Variants in RBFOX1 observed in about 807,000 individuals in gnomAD.
RBFOX1 encodes the protein RNA binding protein fox-1 homolog 1.
Under a neutral mutation model 57.7 loss-of-function variants are expected in RBFOX1, and 8 were observed. That is an observed-to-expected ratio of 0.14 (90% CI 0.08 to 0.25). The LOEUF is 0.25. Ranked by LOEUF, RBFOX1 falls within the 10% of genes least tolerant of loss-of-function variation. The pLI, the probability that RBFOX1 is intolerant of heterozygous loss-of-function variation, is 1.00. For missense variants in RBFOX1, 611 were observed against 548.5 expected (o/e 1.11, Z -1.14); for synonymous variants, 326 against 222.4 (o/e 1.47, Z -4.15).
Position 7,194,906 on chromosome 16 carries a change from C to T in RBFOX1, c.27+142808C>T, listed in dbSNP as rs79037256. ...TTGTGCCACTGCACTCCAGCTTGGGCTACAAAATGAGACCCTGTTTCACAA... is the reference window on the plus strand; with the variant it reads ...TTGTGCCACTGCACTCCAGCTTGGGTTACAAAATGAGACCCTGTTTCACAA... On this transcript the variant is annotated intron_variant, in intron 4 of 15. Coordinates refer to ENST00000550418, the MANE Select transcript of RBFOX1 (RefSeq NM_018723.4). 6.0e-5 allele frequency among the ~76,000 whole-genome samples: 8 copies of T among 132,750 alleles called. No homozygotes were observed. The East Asian group carries it at 1.7e-3, about 28-fold the overall frequency. The allele number at this position is 132,750 out of a possible 152,430, so 87.1% of individuals were successfully genotyped here.
intron 4 of RBFOX1, among the ~76,000 whole-genome samples, chr16:5,993,384 T>TACA: frequency 1.4e-5 from 1 of 71,290 alleles, no homozygotes; most frequent in Middle Eastern, 8.9e-3. Context: ...TGTGTGTGTG[T>TACA]GAGAGAGAGA....
intron 3 of RBFOX1, among the ~76,000 whole-genome samples, chr16:7,001,838 C>G (rs745958616): frequency 2.0e-5 from 3 of 152,118 alleles, no homozygotes; most frequent in Non-Finnish European, 4.4e-5. Flanking sequence ...ATTATTATTA[C>G]TTTAACTCTG....
At chr16:7,565,421 G>A (rs984557892) in intron 5 of RBFOX1, among the ~76,000 whole-genome samples, 1 of 152,134 alleles carries the variant, frequency 6.6e-6, no homozygotes, top group East Asian at 1.9e-4. Context: ...GCAGAGCTCT[G>A]CGATATTATT....
intron 4 of RBFOX1, among the ~76,000 whole-genome samples, chr16:5,970,799 A>G (rs1472697146): frequency 6.6e-6 from 1 of 152,236 alleles, no homozygotes; most frequent in East Asian, 1.9e-4. Context: ...TTTTCATTGC[A>G]CAGCAAAATA....
chr16:6,143,880 C>G (rs1028983636), intron 1 of RBFOX1, among the ~76,000 whole-genome samples: 3 of 151,896 alleles, frequency 2.0e-5, no homozygotes, highest in East Asian at 1.9e-4. Context: ...ACTGCAGCCT[C>G]AAACTCCTGG....
At chr16:6,848,338 C>T (rs916087561) in intron 3 of RBFOX1, among the ~76,000 whole-genome samples, 2 of 152,086 alleles carry the variant, frequency 1.3e-5, no homozygotes, top group Non-Finnish European at 2.9e-5. Context: ...AGTTTGGCAT[C>T]TGCATTTTTT....
chr16:5,425,768 C>T (rs1174238502), intron 1 of RBFOX1, among the ~76,000 whole-genome samples: 5 of 152,164 alleles, frequency 3.3e-5, no homozygotes, highest in Admixed American at 2.0e-4. Context: ...CAGGTTCCCA[C>T]CTCTTCCAGA....
intron 5 of RBFOX1, among the ~76,000 whole-genome samples, chr16:7,576,299 G>A (rs1029292895): frequency 2.0e-5 from 3 of 152,074 alleles, no homozygotes; most frequent in Non-Finnish European, 4.4e-5. Context: ...CCTAAGATTA[G>A]CAAATAACAG....
chr16:6,469,408 A>T (rs1465574909), intron 2 of RBFOX1, among the ~76,000 whole-genome samples: 6 of 152,122 alleles, frequency 3.9e-5, no homozygotes. Flanking sequence ...CACATAGACA[A>T]GTTTTCTCCA....
intron 3 of RBFOX1, among the ~76,000 whole-genome samples, chr16:6,761,886 C>G (rs964928629): frequency 6.6e-6 from 1 of 152,114 alleles, no homozygotes; most frequent in Non-Finnish European, 1.5e-5. Flanking sequence ...CAGGTACCTT[C>G]TTCCTCACTC....
intron 2 of RBFOX1, among the ~76,000 whole-genome samples, chr16:6,397,664 A>T (rs2092898138): frequency 6.6e-6 from 1 of 152,238 alleles, no homozygotes; most frequent in African/African-American, 2.4e-5. Context: ...CTTTGAAAAT[A>T]TATGTAACTG....
At chr16:5,701,875 A>C (rs1281062604) in intron 3 of RBFOX1, among the ~76,000 whole-genome samples, 2 of 152,204 alleles carry the variant, frequency 1.3e-5, no homozygotes, top group Non-Finnish European at 2.9e-5. Context: ...GAATGGTCTT[A>C]ACTTCGTAAT....
chr16:6,674,508 G>T (rs775967912), intron 3 of RBFOX1, among the ~76,000 whole-genome samples: 1 of 152,044 alleles, frequency 6.6e-6, no homozygotes, highest in Non-Finnish European at 1.5e-5. Flanking sequence ...TTTTAGTAGA[G>T]ACGGGGTTTC....
chr16:7,114,653 T>G (rs1033802180), intron 4 of RBFOX1, among the ~76,000 whole-genome samples: 4 of 152,186 alleles, frequency 2.6e-5, no homozygotes, highest in African/African-American at 9.6e-5. Context: ...GGCTGAGAAG[T>G]GCCTCATGCC....
At chr16:7,344,456 A>C (rs1324422192) in intron 4 of RBFOX1, among the ~76,000 whole-genome samples, 1 of 150,348 alleles carries the variant, frequency 6.7e-6, no homozygotes, top group African/African-American at 2.4e-5. Context: ...CATAGTTATA[A>C]ATATATAAAT....
In RBFOX1 at chr16:5,559,616, C is replaced by T. The variant is rs2045816359; in HGVS notation, c.259-39286C>T. Among the ~76,000 whole-genome samples, 2 of 152,220 alleles carry T rather than the reference C, an allele frequency of 1.3e-5. 1 individual carries two copies. Among genetic ancestry groups the T allele is most frequent in the Non-Finnish European group, 2.9e-5 (2 of 68,046 alleles). On this transcript the variant is annotated intron_variant, in intron 2 of 2. Coordinates refer to the RBFOX1 transcript ENST00000585867. The stretch of plus-strand genomic sequence containing the variant: ...CCCCTGCCCTAAAGGCGCCCCTCCA[C>T]CTGGGACCTTGATACCACTCTTTTC...
chr16:7,483,945 C>G (rs1327402534), intron 4 of RBFOX1, among the ~76,000 whole-genome samples: 3 of 152,232 alleles, frequency 2.0e-5, no homozygotes, highest in East Asian at 1.9e-4. Flanking sequence ...ATCTCACAGT[C>G]TCCACTACAG....
In RBFOX1 at chr16:7,228,590, G is replaced by A. The variant is rs145717461; in HGVS notation, c.27+176492G>A. On this transcript the variant is annotated intron_variant, in intron 4 of 15. Coordinates refer to ENST00000550418, the MANE Select transcript of RBFOX1 (RefSeq NM_018723.4). ...GGAATTTGTCCATGGCCACACAGCCGTAAGGGAGTAGAGACCTGATTCAAA... is the reference window on the plus strand; with the variant it reads ...GGAATTTGTCCATGGCCACACAGCCATAAGGGAGTAGAGACCTGATTCAAA... Among the ~76,000 whole-genome samples the A allele has an allele frequency of 1.7e-3, 256 of 152,348 alleles. 3 individuals are homozygous for A. The highest frequency in any genetic ancestry group is 5.2e-3 in the African/African-American group (218 of 41,578).
In RBFOX1 at chr16:7,672,667, G is replaced by A. The variant is rs554711381; in HGVS notation, c.931-4107G>A. ...TTGCTTGAGGCCAGGGGTTCAAGAC[G>A]GGGCCAGCCAGGCCTATGTATCAAA... On this transcript the variant is annotated intron_variant, in intron 13 of 15. Coordinates refer to ENST00000550418, the MANE Select transcript of RBFOX1 (RefSeq NM_018723.4). Among the ~76,000 whole-genome samples, 32 of 151,714 alleles carry A rather than the reference G, an allele frequency of 2.1e-4. No individual in the cohort carries two copies. In the South Asian group the frequency reaches 6.0e-3, roughly 29 times the overall value.
Sources: allele counts gnomAD v4.1 joint callset (sites outside exome capture counted in the v4.1 genomes callset), GRCh38; gene constraint gnomAD v4.1.1; transcripts MANE v1.5; gene names NCBI Gene and HGNC (gene_info 2026-07-23, HGNC 2026-07-21).